Variants in SP3 observed in about 807,000 individuals in gnomAD.
The protein encoded by SP3 is Sp3 transcription factor.
In SP3, 10 loss-of-function variants were observed where a neutral mutation model predicts 70.3. That is an observed-to-expected ratio of 0.14 (90% CI 0.09 to 0.24). The LOEUF (loss-of-function observed/expected upper bound fraction) is 0.24, where lower values mean the gene tolerates loss of function less well. Among genes scored for constraint, SP3 ranks in the 10% least tolerant of loss-of-function variants. SP3 has a pLI of 1.00. For synonymous variants in SP3, 402 were observed against 333.5 expected (o/e 1.21, Z -2.24); for missense variants, 825 against 914.6 (o/e 0.90, Z 1.26).
chr2:173,964,573 G>A lies in SP3; in HGVS notation c.8-20C>T. The A allele has an allele frequency of 1.5e-6, 1 of 676,582 alleles. No individual in the cohort carries two copies. Among genetic ancestry groups the A allele is most frequent in the Non-Finnish European group, 2.7e-6 (1 of 364,138 alleles). 41.9% of individuals were successfully genotyped at this position (676,582 alleles called of 1,614,324 possible). ...CGGGAGCTGCAGGCACAGCGCGGGG[G>A]GGTGGGGGTGGGGAGGAAGGCGGGT... On this transcript the variant is annotated intron_variant, in intron 1 of 6. Coordinates refer to ENST00000310015, the MANE Select transcript of SP3 (RefSeq NM_003111.5).
At chr2:173,933,606 A>G (rs959249358) in intron 4 of SP3, among the ~76,000 whole-genome samples, 3 of 145,246 alleles carry the variant, frequency 2.1e-5, no homozygotes, top group African/African-American at 7.6e-5. Context: ...AATATTAGGA[A>G]GACAGTACAA....
chr2:173,933,638 T>TATATATATATATATATA (rs71405167), intron 4 of SP3, among the ~76,000 whole-genome samples: 1 of 86,566 alleles, frequency 1.2e-5, no homozygotes, highest in African/African-American at 4.2e-5. Flanking sequence ...TTATAAAACT[T>TATATATATATATATATA]TATATATATA....
intron 5 of SP3, 91 bp from the exon 6 acceptor site, chr2:173,913,357 A>G (rs1689541284): frequency 6.3e-6 from 6 of 951,884 alleles, no homozygotes; most frequent in South Asian, 3.7e-5. Context: ...GTTGAATTTT[A>G]AATAGAAGAC....
At chr2:173,920,596 AATTTATTTATTT>A (rs60175008) in intron 4 of SP3, among the ~76,000 whole-genome samples, 4 of 151,376 alleles carry the variant, frequency 2.6e-5, no homozygotes, top group Admixed American at 1.3e-4. Context: ...GCTCTTTAAA[AATTTATTTATTT>A]ATTTATTTAT....
Position 173,902,288 on chromosome 2 carries a change from T to C in SP3, c.*7653A>G, listed in dbSNP as rs1234154516. 6.6e-6 allele frequency among the ~76,000 whole-genome samples: 1 copy of C among 152,244 alleles called. No individual in the cohort carries two copies. Among genetic ancestry groups the C allele is most frequent in the African/African-American group, 2.4e-5 (1 of 41,460 alleles). ...CATTTTGTCAAATCCCAAAACAAAA[T>C]TTCATTGTTATTCATTGGAAAAAAC... On this transcript the variant is annotated 3_prime_UTR_variant, in exon 7 of 7. Transcript: ENST00000310015.
intron 3 of SP3, among the ~76,000 whole-genome samples, chr2:173,960,949 C>A (rs1691052766): frequency 6.6e-6 from 1 of 152,088 alleles, no homozygotes; most frequent in African/African-American, 2.4e-5. Context: ...GCACTCCAGT[C>A]TGGGCGACAG....
At chr2:173,944,827 A>C (rs1048148653) in intron 4 of SP3, among the ~76,000 whole-genome samples, 3 of 152,170 alleles carry the variant, frequency 2.0e-5, no homozygotes, top group Admixed American at 6.5e-5. Flanking sequence ...AACCAAAAAA[A>C]ACCACCAATG....
intron 4 of SP3, among the ~76,000 whole-genome samples, chr2:173,941,653 C>T (rs1454503689): frequency 6.6e-6 from 1 of 152,202 alleles, no homozygotes; most frequent in Non-Finnish European, 1.5e-5. Context: ...AAGTAATTTA[C>T]ACACTTGGCT....
chr2:173,961,842 C>T (rs1388408610), intron 3 of SP3, among the ~76,000 whole-genome samples: 1 of 150,628 alleles, frequency 6.6e-6, no homozygotes, highest in Non-Finnish European at 1.5e-5. Context: ...TTTCTATTTG[C>T]TAAGGCAAAT....
chr2:173,942,578 T>A (rs1690404576), intron 4 of SP3, among the ~76,000 whole-genome samples: 3 of 152,122 alleles, frequency 2.0e-5, no homozygotes, highest in Admixed American at 2.0e-4. Flanking sequence ...GAATATTTCA[T>A]CGAGTCATAT....
At chr2:173,964,987 G>A (rs569314789) in intron 1 of SP3, 178 bp downstream of exon 1, 2 of 797,772 alleles carry the variant, frequency 2.5e-6, no homozygotes, top group South Asian at 1.9e-5. Flanking sequence ...GGCTTCGGGG[G>A]TGGACGGTGG....
At chr2:173,947,597 A>G (rs1690583595) in intron 4 of SP3, among the ~76,000 whole-genome samples, 1 of 152,128 alleles carries the variant, frequency 6.6e-6, no homozygotes, top group East Asian at 1.9e-4. Context: ...TTTTCTATAG[A>G]TGCTATTGCT....
intron 4 of SP3, among the ~76,000 whole-genome samples, chr2:173,925,150 G>A (rs780166853): frequency 1.2e-4 from 19 of 152,156 alleles, no homozygotes; most frequent in African/African-American, 3.6e-4. Flanking sequence ...GGCATGATCC[G>A]CCCACCCAAA....
intron 4 of SP3, among the ~76,000 whole-genome samples, chr2:173,940,484 C>T (rs1690339730): frequency 1.3e-5 from 2 of 152,088 alleles, no homozygotes; most frequent in African/African-American, 4.8e-5. Flanking sequence ...CCTTGGCACC[C>T]GGGGGTGCAA....
rs1000422968 is a variant in SP3 at position 173,901,846 on chromosome 2, C to T, written c.*8095G>A. 2.6e-5 allele frequency among the ~76,000 whole-genome samples: 4 copies of T among 152,038 alleles called. No homozygotes were observed. The highest frequency in any genetic ancestry group is 6.6e-5 in the Admixed American group (1 of 15,262). ...CCTCCCGAGTAGCTGGGATTGCAGG[C>T]ATGCGCCACCACCCCCAGCTAATTT... On this transcript the variant is annotated 3_prime_UTR_variant, in exon 7 of 7. Transcript: ENST00000310015.
intron 6 of SP3, among the ~76,000 whole-genome samples, chr2:173,912,103 G>A (rs1689502267): frequency 6.6e-6 from 1 of 152,184 alleles, no homozygotes; most frequent in Non-Finnish European, 1.5e-5. Flanking sequence ...ACAGGCATGG[G>A]CCAGCACGCC....
chr2:173,965,080 C>T (rs916478707), intron 1 of SP3, 85 bp downstream of exon 1: 42 of 1,523,498 alleles, frequency 2.8e-5, no homozygotes, highest in Admixed American at 2.2e-4. Flanking sequence ...GGGCCGAGAC[C>T]GGCGGCAGCG....
intron 4 of SP3, among the ~76,000 whole-genome samples, chr2:173,923,177 G>A (rs1259012954): frequency 6.6e-6 from 1 of 151,998 alleles, no homozygotes; most frequent in Non-Finnish European, 1.5e-5. Context: ...ACCTCAAAAT[G>A]TTTAAGTTTC....
chr2:173,946,988 G>A (rs1375115470), intron 4 of SP3, among the ~76,000 whole-genome samples: 2 of 151,992 alleles, frequency 1.3e-5, no homozygotes, highest in African/African-American at 2.4e-5. Flanking sequence ...TTCCTAAGGT[G>A]GTGGGATTAG....
Sources: gnomAD v4.1 joint callset for allele counts (sites outside exome capture counted in the v4.1 genomes callset) on GRCh38, gnomAD v4.1.1 for gene constraint, MANE v1.5 for transcripts, NCBI Gene and HGNC (gene_info 2026-07-23, HGNC 2026-07-21) for gene names.